Variants in HCRTR2 observed in about 807,000 individuals in gnomAD.
The protein encoded by HCRTR2 is orexin receptor type 2.
HCRTR2 carries 22 observed loss-of-function variants against 49.0 expected under a neutral mutation model. The observed-to-expected ratio is 0.45, with a 90% CI of 0.32 to 0.64. HCRTR2 has a LOEUF of 0.64. HCRTR2 is among the 30% of genes least tolerant of loss of function. HCRTR2 has a pLI of 0.04. For missense variants in HCRTR2, 491 were observed against 559.4 expected, an observed-to-expected ratio of 0.88 and a Z score of 1.23; for synonymous variants, 236 against 205.3, an observed-to-expected ratio of 1.15 and a Z score of -1.28.
At chr6:55,212,459 C>G (rs1012123266) in intron 1 of HCRTR2, among the ~76,000 whole-genome samples, 6 of 152,110 alleles carry the variant, frequency 3.9e-5, no homozygotes, top group Non-Finnish European at 7.4e-5. Context: ...GACATTTCAG[C>G]AAGTTTTAGC....
chr6:55,233,294 T>G (rs9475207), intron 1 of HCRTR2, among the ~76,000 whole-genome samples: 21,803 of 152,074 alleles, frequency 0.14, 2,826 homozygotes, highest in African/African-American at 0.35. Context: ...TTTTACCATG[T>G]TGGCCAGGCT....
intron 1 of HCRTR2, among the ~76,000 whole-genome samples, chr6:55,237,164 T>C (rs1204779426): frequency 6.6e-6 from 1 of 152,114 alleles, no homozygotes; most frequent in Non-Finnish European, 1.5e-5. Flanking sequence ...ATTTTTTATA[T>C]TCTTTATAAT....
At chr6:55,115,807 G>T (rs1764108171) in intron 1 of HCRTR2, among the ~76,000 whole-genome samples, 1 of 150,540 alleles carries the variant, frequency 6.6e-6, no homozygotes, top group South Asian at 2.1e-4. Flanking sequence ...AAATAATACA[G>T]AGATATTCAT....
intron 4 of HCRTR2, among the ~76,000 whole-genome samples, chr6:55,276,129 A>G (rs954210700): frequency 6.6e-6 from 1 of 152,324 alleles, no homozygotes; most frequent in South Asian, 2.1e-4. Flanking sequence ...CTCCCCAACC[A>G]GTGGGTTAAA....
At chr6:55,279,424 A>G (rs959784395) in intron 5 of HCRTR2, among the ~76,000 whole-genome samples, 1 of 147,764 alleles carries the variant, frequency 6.8e-6, no homozygotes, top group Non-Finnish European at 1.5e-5. Flanking sequence ...TTCACTCTAT[A>G]TAGTATTTTT....
chr6:55,117,033 A>G (rs935514834), intron 1 of HCRTR2, among the ~76,000 whole-genome samples: 1 of 151,836 alleles, frequency 6.6e-6, no homozygotes, highest in Non-Finnish European at 1.5e-5. Context: ...CTACATGTAC[A>G]GTATGATGTC....
At chr6:55,276,173 T>G (rs1767073404) in intron 4 of HCRTR2, among the ~76,000 whole-genome samples, 1 of 152,206 alleles carries the variant, frequency 6.6e-6, no homozygotes, top group Admixed American at 6.5e-5. Flanking sequence ...GTAAAAAAGA[T>G]TGTCTACATG....
At chr6:55,215,998 T>C (rs1388495536) in intron 1 of HCRTR2, among the ~76,000 whole-genome samples, 1 of 152,172 alleles carries the variant, frequency 6.6e-6, no homozygotes, top group African/African-American at 2.4e-5. Context: ...CATCATAACA[T>C]GGCAGAAGGC....
chr6:55,204,334 A>G (rs1765562659), intron 1 of HCRTR2, among the ~76,000 whole-genome samples: 1 of 152,202 alleles, frequency 6.6e-6, no homozygotes, highest in South Asian at 2.1e-4. Context: ...TGACAGTAGT[A>G]TCTTGCTGAC....
At chr6:55,117,429 T>C (rs1417770188) in intron 1 of HCRTR2, among the ~76,000 whole-genome samples, 1 of 151,694 alleles carries the variant, frequency 6.6e-6, no homozygotes, top group Non-Finnish European at 1.5e-5. Flanking sequence ...TTTTGTTTTT[T>C]TACTGATACA....
intron 1 of HCRTR2, among the ~76,000 whole-genome samples, chr6:55,162,060 C>T (rs1269322503): frequency 6.6e-6 from 1 of 152,108 alleles, no homozygotes; most frequent in African/African-American, 2.4e-5. Flanking sequence ...TAATATATCC[C>T]TGATTAACAC....
At chr6:55,214,749 T>C (rs1023985758) in intron 1 of HCRTR2, among the ~76,000 whole-genome samples, 5 of 151,880 alleles carry the variant, frequency 3.3e-5, no homozygotes, top group Admixed American at 1.3e-4. Context: ...AGTAAAGAGA[T>C]ACATGTAAAA....
chr6:55,255,187 C>A lies in HCRTR2; in HGVS notation c.454C>A (p.Arg152=). ...CACACTGAGCTGTATCGCCTTGGAT[C>A]GGTGGTATGCAATCTGTCACCCTTT... ...VLTLSCIALD[R]WYAICHPLMF... Residue 152 remains arginine, a synonymous_variant, in exon 3 of 7, where the codon CGG becomes AGG. Transcript: ENST00000370862. The A allele has an allele frequency of 6.2e-7, 1 of 1,613,860 alleles. No individual in the cohort carries two copies. The highest frequency in any genetic ancestry group is 8.5e-7 in the Non-Finnish European group (1 of 1,179,880).
intron 1 of HCRTR2, among the ~76,000 whole-genome samples, chr6:55,232,023 C>T (rs981448848): frequency 2.0e-5 from 3 of 152,042 alleles, no homozygotes; most frequent in African/African-American, 7.2e-5. Flanking sequence ...GTGTCCTAAC[C>T]CACTTTCCTA....
At chr6:55,147,226 T>C (rs1764591358) in intron 1 of HCRTR2, among the ~76,000 whole-genome samples, 1 of 152,148 alleles carries the variant, frequency 6.6e-6, no homozygotes, top group Admixed American at 6.6e-5. Flanking sequence ...ATTTGTGAAT[T>C]CATATTTGGA....
chr6:55,155,194 A>T (rs1010199504), intron 1 of HCRTR2, among the ~76,000 whole-genome samples: 11 of 134,912 alleles, frequency 8.2e-5, no homozygotes, highest in Admixed American at 4.2e-4. Context: ...AAATACCAAT[A>T]TTTTTTTTTT....
intron 1 of HCRTR2, among the ~76,000 whole-genome samples, chr6:55,247,162 G>A (rs1766461496): frequency 6.6e-6 from 1 of 151,988 alleles, no homozygotes; most frequent in Admixed American, 6.6e-5. Context: ...GTGTGTGTGT[G>A]TGTTTCAAGT....
At position 55,255,197 on chromosome 6, in the gene HCRTR2, C is replaced by A. The variant is rs1349957543; in HGVS notation, c.464C>A (p.Ala155Glu). 6.2e-7 allele frequency: 1 copy of A among 1,613,958 alleles called. No individual in the cohort carries two copies. The highest frequency in any genetic ancestry group is 8.5e-7 in the Non-Finnish European group (1 of 1,179,926). ...LSCIALDRWY[A>E]ICHPLMFKST... ...TGTATCGCCTTGGATCGGTGGTATGCAATCTGTCACCCTTTGATGTTTAAG... is the reference window on the plus strand; with the variant it reads ...TGTATCGCCTTGGATCGGTGGTATGAAATCTGTCACCCTTTGATGTTTAAG... The change falls in exon 3 of 7, where the codon GCA (alanine) becomes GAA (glutamate). Residue 155 changes from alanine (A) to glutamate (E), a missense_variant. Coordinates refer to ENST00000370862, the MANE Select transcript of HCRTR2 (RefSeq NM_001384272.1).
intron 1 of HCRTR2, among the ~76,000 whole-genome samples, chr6:55,162,986 C>T (rs76106676): frequency 0.18 from 27,154 of 152,062 alleles, 2,572 homozygotes; most frequent in East Asian, 0.28. Context: ...CAGTGGCTCA[C>T]GCTTGTAATC....
Sources: allele counts gnomAD v4.1 joint callset (sites outside exome capture counted in the v4.1 genomes callset), GRCh38; gene constraint gnomAD v4.1.1; transcripts MANE v1.5; gene names NCBI Gene and HGNC (gene_info 2026-07-23, HGNC 2026-07-21).